The following SYT1 variants were observed in gnomAD, a reference collection of about 807,000 sequenced individuals.
SYT1 encodes the protein synaptotagmin-1.
Under a neutral mutation model 44.8 loss-of-function variants are expected in SYT1, and 8 were observed. The ratio of observed to expected loss-of-function variants is 0.18; its 90% CI spans 0.10 to 0.32. SYT1 has a LOEUF of 0.32. Ranked by LOEUF, SYT1 falls within the 10% of genes least tolerant of loss-of-function variation. The pLI is 1.00. For missense variants in SYT1, 286 were observed against 509.3 expected (o/e 0.56, Z 4.22); for synonymous variants, 154 against 188.8 (o/e 0.82, Z 1.51).
intron 8 of SYT1, among the ~76,000 whole-genome samples, chr12:79,321,059 G>A (rs1305831617): frequency 6.6e-6 from 1 of 152,098 alleles, no homozygotes; most frequent in Non-Finnish European, 1.5e-5. Flanking sequence ...GTCCCCTTGA[G>A]AGGAAAAACA....
chr12:79,346,422 G>T (rs1437946220), intron 8 of SYT1, among the ~76,000 whole-genome samples: 1 of 152,130 alleles, frequency 6.6e-6, no homozygotes, highest in Non-Finnish European at 1.5e-5. Context: ...GAATCTCACA[G>T]CTGGAACTTT....
intron 1 of SYT1, among the ~76,000 whole-genome samples, chr12:78,912,512 A>C (rs1876398825): frequency 6.6e-6 from 1 of 151,944 alleles, no homozygotes. Context: ...TGAAGGTCTA[A>C]AAATAAAGAG....
chr12:78,977,132 G>T (rs1463448604), intron 1 of SYT1, among the ~76,000 whole-genome samples: 1 of 152,024 alleles, frequency 6.6e-6, no homozygotes, highest in Non-Finnish European at 1.5e-5. Flanking sequence ...GGCGAAGGAA[G>T]GGAACCCGAA....
At chr12:78,999,668 T>C (rs1870606126) in intron 2 of SYT1, among the ~76,000 whole-genome samples, 1 of 152,150 alleles carries the variant, frequency 6.6e-6, no homozygotes, top group Non-Finnish European at 1.5e-5. Flanking sequence ...GTACATGTAA[T>C]GCAGGGTTCA....
At chr12:78,885,020 C>T (rs894368431) in intron 1 of SYT1, among the ~76,000 whole-genome samples, 1 of 151,838 alleles carries the variant, frequency 6.6e-6, no homozygotes, top group African/African-American at 2.4e-5. Context: ...AATTGAGGCA[C>T]AGAGAAATGA....
At chr12:79,358,228 C>T (rs915380539) in intron 9 of SYT1, among the ~76,000 whole-genome samples, 8 of 152,224 alleles carry the variant, frequency 5.3e-5, no homozygotes, top group African/African-American at 1.9e-4. Flanking sequence ...TATTTAAGGA[C>T]ATGGCCGTTT....
intron 2 of SYT1, among the ~76,000 whole-genome samples, chr12:79,024,279 T>C (rs775322743): frequency 6.6e-6 from 1 of 151,584 alleles, no homozygotes; most frequent in South Asian, 2.1e-4. Flanking sequence ...GCAAGGCAAA[T>C]TCGAGGATGG....
At chr12:78,988,086 T>C (rs115690216) in intron 2 of SYT1, among the ~76,000 whole-genome samples, 2,081 of 152,094 alleles carry the variant, frequency 0.014, 54 homozygotes, top group African/African-American at 0.048. Flanking sequence ...ACCTGTCATC[T>C]CTCTCATTCA....
intron 3 of SYT1, among the ~76,000 whole-genome samples, chr12:79,111,988 C>T (rs954709957): frequency 7.3e-5 from 11 of 151,194 alleles, no homozygotes; most frequent in African/African-American, 2.7e-4. Context: ...ACAATCTTTG[C>T]CCTTGAGAGA....
chr12:79,017,067 A>AAT (rs1208268854), intron 2 of SYT1, among the ~76,000 whole-genome samples: 1 of 152,122 alleles, frequency 6.6e-6, no homozygotes, highest in African/African-American at 2.4e-5. Context: ...AATGGAGAAA[A>AAT]ATATAGTGAC....
At chr12:78,997,450 G>A (rs1870453068) in intron 2 of SYT1, among the ~76,000 whole-genome samples, 1 of 152,150 alleles carries the variant, frequency 6.6e-6, no homozygotes, top group Non-Finnish European at 1.5e-5. Flanking sequence ...TTGACAGCTA[G>A]ATATTAAATA....
At chr12:78,931,312 G>A (rs1198663370) in intron 1 of SYT1, among the ~76,000 whole-genome samples, 1 of 15,264 alleles carries the variant, frequency 6.6e-5, no homozygotes, top group African/African-American at 3.2e-4. Flanking sequence ...GGAAGGAGAG[G>A]GAGGGAGGGA....
intron 7 of SYT1, 64 bp from the exon 8 acceptor site, chr12:79,299,320 A>G: frequency 6.5e-7 from 1 of 1,535,304 alleles, no homozygotes. Context: ...AAGCACCATG[A>G]ACAAGTAACA....
At chr12:79,146,301 A>G (rs1869909781) in intron 3 of SYT1, among the ~76,000 whole-genome samples, 1 of 152,164 alleles carries the variant, frequency 6.6e-6, no homozygotes, top group African/African-American at 2.4e-5. Flanking sequence ...AGACAATGTC[A>G]ATTAATGTTG....
intron 3 of SYT1, among the ~76,000 whole-genome samples, chr12:79,109,128 A>G (rs1878875220): frequency 6.6e-6 from 1 of 152,168 alleles, no homozygotes; most frequent in South Asian, 2.1e-4. Flanking sequence ...CTACTCAGGA[A>G]GAGGAGGGCC....
intron 1 of SYT1, among the ~76,000 whole-genome samples, chr12:78,873,884 C>T (rs1039612523): frequency 1.3e-5 from 2 of 151,462 alleles, no homozygotes; most frequent in Admixed American, 6.6e-5. Flanking sequence ...AACACATTTG[C>T]GAGCAATAGC....
At chr12:78,949,787 A>G (rs1355771741) in intron 1 of SYT1, among the ~76,000 whole-genome samples, 1 of 152,034 alleles carries the variant, frequency 6.6e-6, no homozygotes, top group African/African-American at 2.4e-5. Flanking sequence ...GAGAAGCCAC[A>G]GAGGATAGTA....
chr12:79,132,756 G>A (rs1299597246), intron 3 of SYT1, among the ~76,000 whole-genome samples: 3 of 146,408 alleles, frequency 2.0e-5, no homozygotes, highest in Admixed American at 6.8e-5. Flanking sequence ...GGTAGCTATC[G>A]AAATGAAAGG....
At position 79,274,032 on chromosome 12, in the gene SYT1, C is replaced by T. The variant is rs146023304; in HGVS notation, c.167-11755C>T. On this transcript the variant is annotated intron_variant, in intron 4 of 10. Coordinates refer to ENST00000261205, the MANE Select transcript of SYT1 (RefSeq NM_005639.3). ...CCAGGAGGCAGAGGTTGCAGTGAGC[C>T]GAGATGGTGCCACTGCACTCCAGCC... 5.7e-3 allele frequency among the ~76,000 whole-genome samples: 874 copies of T among 152,176 alleles called. 24 individuals carry two copies. Among genetic ancestry groups the T allele is most frequent in the East Asian group, 0.038 (196 of 5,160 alleles).
Sources: allele counts gnomAD v4.1 joint callset (sites outside exome capture counted in the v4.1 genomes callset), GRCh38; gene constraint gnomAD v4.1.1; transcripts MANE v1.5; gene names NCBI Gene and HGNC (gene_info 2026-07-23, HGNC 2026-07-21).